Variants in TPMT observed in about 807,000 individuals in gnomAD.
TPMT encodes thiopurine S-methyltransferase, also known as S-adenosyl-L-methionine:thiopurine S-methyltransferase.
In TPMT, 18 loss-of-function variants were observed where a neutral mutation model predicts 34.2. That is an observed-to-expected ratio of 0.53 (90% CI 0.36 to 0.78). TPMT has a LOEUF of 0.78. Among genes scored for constraint, TPMT ranks in the 30% least tolerant of loss-of-function variants. The pLI is 0.00. For synonymous variants in TPMT, 69 were observed against 92.4 expected, an observed-to-expected ratio of 0.75 and a Z score of 1.45; for missense variants, 265 against 288.1, an observed-to-expected ratio of 0.92 and a Z score of 0.58.
rs759931829 is a variant in TPMT at position 18,132,124 on chromosome 6, C to T, written c.625+9G>A. ...TTTAAAAAGTTACAGCATAAGTCCA[C>T]AAACTTACCAAACAACCTTTCAATT... On this transcript the variant is annotated intron_variant, in intron 8 of 8. Coordinates refer to ENST00000309983, the MANE Select transcript of TPMT (RefSeq NM_000367.5). This position sits in a 1 kb window ranked among gnomAD's most constrained non-coding sequence, Gnocchi z 4.8. 5.6e-6 allele frequency: 9 copies of T among 1,613,902 alleles called. No homozygotes were observed. The African/African-American group carries it at 6.7e-5, about 12-fold the overall frequency.
chr6:18,151,079 C>T (rs578087847), intron 1 of TPMT, among the ~76,000 whole-genome samples: 11 of 152,082 alleles, frequency 7.2e-5, no homozygotes, highest in Admixed American at 2.6e-4. Context: ...TCTTCTGACC[C>T]GGTATGGTAA....
intron 4 of TPMT, among the ~76,000 whole-genome samples, chr6:18,142,126 T>C (rs1784153549): frequency 6.6e-6 from 1 of 152,096 alleles, no homozygotes; most frequent in Non-Finnish European, 1.5e-5. Context: ...ATCCGGCGCT[T>C]CTACACCTGG....
In TPMT at chr6:18,150,523, G is replaced by A. The variant is rs1015645022; in HGVS notation, c.-44-1352C>T. 5.3e-5 allele frequency among the ~76,000 whole-genome samples: 8 copies of A among 152,026 alleles called. No homozygotes were observed. The highest frequency in any genetic ancestry group is 1.3e-4 in the Admixed American group (2 of 15,258). Reference sequence around the variant, plus strand: ...GGTAGACAGCTAGCTTTCTGGGATCGCTCTTCATCATCATTCTGGAGATTT... The same window carrying A: ...GGTAGACAGCTAGCTTTCTGGGATCACTCTTCATCATCATTCTGGAGATTT... On this transcript the variant is annotated intron_variant, in intron 1 of 8. Coordinates refer to ENST00000309983, the MANE Select transcript of TPMT (RefSeq NM_000367.5). The surrounding 1 kb of genome is among the most constrained non-coding windows in gnomAD (Gnocchi z 5.3).
At chr6:18,151,914 T>C (rs1784361298) in intron 1 of TPMT, among the ~76,000 whole-genome samples, 1 of 152,202 alleles carries the variant, frequency 6.6e-6, no homozygotes, top group Admixed American at 6.5e-5. Context: ...TGTATTCAAT[T>C]AATCCTCACG....
chr6:18,154,128 G>GTCATA lies in TPMT; in HGVS notation c.-45+904_-45+905insTATGA, dbSNP rs1784422139. ...AGACAGGGTCTTGCTATGTTACCCA[G>GTCATA]GCTGGTCTCAAACTCCTGGGCTCAA... On this transcript the variant is annotated intron_variant, in intron 1 of 8. Transcript: ENST00000309983. The surrounding 1 kb of genome is among the most constrained non-coding windows in gnomAD (Gnocchi z 4.2). 6.6e-6 allele frequency among the ~76,000 whole-genome samples: 1 copy of GTCATA among 152,134 alleles called. No individual in the cohort carries two copies. The highest frequency in any genetic ancestry group is 1.5e-5 in the Non-Finnish European group (1 of 68,034).
chr6:18,141,550 T>C (rs373867364), intron 4 of TPMT, among the ~76,000 whole-genome samples: 1 of 152,078 alleles, frequency 6.6e-6, no homozygotes, highest in Non-Finnish European at 1.5e-5. Context: ...ATGTTGGCCA[T>C]GCTGGTCCTG....
chr6:18,142,460 G>T (rs2150714847), intron 4 of TPMT, among the ~76,000 whole-genome samples: 1 of 152,058 alleles, frequency 6.6e-6, no homozygotes, highest in East Asian at 1.9e-4. Context: ...GTTCCTAGTT[G>T]CCCACCTCCA....
intron 1 of TPMT, among the ~76,000 whole-genome samples, chr6:18,151,330 T>C (rs1372822329): frequency 6.6e-6 from 1 of 151,604 alleles, no homozygotes; most frequent in African/African-American, 2.4e-5. Flanking sequence ...TGGCCAGGCA[T>C]GGTGGTGCAT....
rs1784447258 is a variant in TPMT, at chr6:18,154,741, C to T, written c.-45+292G>A. 6.6e-6 allele frequency among the ~76,000 whole-genome samples: 1 copy of T among 151,918 alleles called. No individual in the cohort carries two copies. The highest frequency in any genetic ancestry group is 2.4e-5 in the African/African-American group (1 of 41,340). ...TGAGCTATGATTGTGCCACTGCACG[C>T]TAGCATGGGCGACAGAGGGAGACCC... On this transcript the variant is annotated intron_variant, in intron 1 of 8. Transcript: ENST00000309983. The surrounding 1 kb of genome is among the most constrained non-coding windows in gnomAD (Gnocchi z 4.2).
chr6:18,139,155 G>T lies in TPMT; in HGVS notation c.420-118C>A. On this transcript the variant is annotated intron_variant, in intron 5 of 8. Coordinates refer to ENST00000309983, the MANE Select transcript of TPMT (RefSeq NM_000367.5). This position sits in a 1 kb window ranked among gnomAD's most constrained non-coding sequence, Gnocchi z 4.2. ...AATCGTCAAGGTATTAGGATCTCAC[G>T]TCTGCGTTTCCTCCTAGAGGAATGT... 1.1e-6 allele frequency: 1 copy of T among 932,892 alleles called. No individual in the cohort carries two copies. Among genetic ancestry groups the T allele is most frequent in the Non-Finnish European group, 1.8e-6 (1 of 567,742 alleles). 57.8% of individuals were successfully genotyped at this position (932,892 alleles called of 1,614,324 possible).
chr6:18,149,210 A>G lies in TPMT; in HGVS notation c.-44-39T>C. 1 of 1,543,804 alleles carries G rather than the reference A, an allele frequency of 6.5e-7. No homozygotes were observed. ...ATTTGCAATGTTGTCATTTAAGGTCATTGGAATTCTATTGATGAACTAAAT... is the reference window on the plus strand; with the variant it reads ...ATTTGCAATGTTGTCATTTAAGGTCGTTGGAATTCTATTGATGAACTAAAT... On this transcript the variant is annotated intron_variant, in intron 1 of 8. Transcript: ENST00000309983. The surrounding 1 kb of genome is among the most constrained non-coding windows in gnomAD (Gnocchi z 5.0).
chr6:18,143,711 T>C lies in TPMT; in HGVS notation c.251A>G (p.His84Arg). 6.2e-7 allele frequency: 1 copy of C among 1,614,126 alleles called. No homozygotes were observed. Among genetic ancestry groups the C allele is most frequent in the Non-Finnish European group, 8.5e-7 (1 of 1,180,006 alleles). ...VEMKWFADRG[H>R]SVVGVEISEL... ...ACTGATTTCCACACCAACTACACTGTGTCCCCGGTCTGCAAACCTGCATAA... is the reference window on the plus strand; with the variant it reads ...ACTGATTTCCACACCAACTACACTGCGTCCCCGGTCTGCAAACCTGCATAA... Residue 84 changes from histidine (H) to arginine (R), a missense_variant, in exon 4 of 9, where the codon CAC (histidine) becomes CGC (arginine). Physicochemically the swap from His to Arg is conservative, Grantham distance 29 (BLOSUM62 0). Transcript: ENST00000309983. The surrounding 1 kb of genome is among the most constrained non-coding windows in gnomAD (Gnocchi z 6.1).
At chr6:18,152,902 A>C (rs372542691) in intron 1 of TPMT, among the ~76,000 whole-genome samples, 4 of 152,226 alleles carry the variant, frequency 2.6e-5, no homozygotes, top group South Asian at 4.2e-4. Flanking sequence ...AGACCACAGA[A>C]TGGTTCTGGC....
chr6:18,134,101 T>G (rs1406120346), intron 6 of TPMT, among the ~76,000 whole-genome samples: 1 of 152,238 alleles, frequency 6.6e-6, no homozygotes, highest in Admixed American at 6.5e-5. Flanking sequence ...TTGGTCCAGA[T>G]GGGAATCAAA....
Position 18,131,997 on chromosome 6 carries a change from G to A in TPMT, c.625+136C>T, listed in dbSNP as rs999426664. 3.9e-5 allele frequency: 33 copies of A among 855,796 alleles called. 1 individual carries two copies. Among genetic ancestry groups the A allele is most frequent in the Admixed American group, 1.9e-4 (10 of 52,640 alleles). 53.0% of individuals were successfully genotyped at this position (855,796 alleles called of 1,614,324 possible). ...TCGCCATGTTGGCCAGGCTGGTCTC[G>A]AACTCCTGGCCTCAGGTGATCTGCC... On this transcript the variant is annotated intron_variant, in intron 8 of 8. Transcript: ENST00000309983. The surrounding 1 kb of genome is among the most constrained non-coding windows in gnomAD (Gnocchi z 4.3).
rs1784293653 is a variant in TPMT at position 18,148,657 on chromosome 6, A to T, written c.140+331T>A. 6.6e-6 allele frequency among the ~76,000 whole-genome samples: 1 copy of T among 152,272 alleles called. No individual in the cohort carries two copies. The highest frequency in any genetic ancestry group is 2.4e-5 in the African/African-American group (1 of 41,476). On this transcript the variant is annotated intron_variant, in intron 2 of 8. Transcript: ENST00000309983. This position sits in a 1 kb window ranked among gnomAD's most constrained non-coding sequence, Gnocchi z 4.1. ...ACACCACTGATTTTCAGTATGAAGA[A>T]TTGTAAGCATAAACATTGCTTGAGC...
In TPMT at chr6:18,140,332, C is replaced by T. The variant is rs76244256; in HGVS notation, c.367-615G>A. 0.043 allele frequency among the ~76,000 whole-genome samples: 6,582 copies of T among 152,190 alleles called. 166 individuals carry two copies. The highest frequency in any genetic ancestry group is 0.055 in the African/African-American group (2,301 of 41,504). ...CTGCTCTGTTGTGGTTCTGTGCCTG[C>T]GAACTATGTGAACACAGAAGGCAGA... On this transcript the variant is annotated intron_variant, in intron 4 of 8. Coordinates refer to ENST00000309983, the MANE Select transcript of TPMT (RefSeq NM_000367.5). This position sits in a 1 kb window ranked among gnomAD's most constrained non-coding sequence, Gnocchi z 4.7.
chr6:18,139,045 A>G lies in TPMT; in HGVS notation c.420-8T>C, dbSNP rs1015135138. 3 of 1,612,660 alleles carry G rather than the reference A, an allele frequency of 1.9e-6. No homozygotes were observed. Among genetic ancestry groups the G allele is most frequent in the Non-Finnish European group, 1.7e-6 (2 of 1,178,632 alleles). ...AATTTGCCAATATTTGTCCTACCAG[A>G]AAGAGAAAAAACATTTTATGGGAGA... On this transcript the variant is annotated splice_region_variant and splice_polypyrimidine_tract_variant and intron_variant, in intron 5 of 8. Coordinates refer to ENST00000309983, the MANE Select transcript of TPMT (RefSeq NM_000367.5). The surrounding 1 kb of genome is among the most constrained non-coding windows in gnomAD (Gnocchi z 4.2).
chr6:18,144,648 G>A (rs1237530611), intron 3 of TPMT, among the ~76,000 whole-genome samples: 1 of 151,708 alleles, frequency 6.6e-6, no homozygotes, highest in Non-Finnish European at 1.5e-5. Flanking sequence ...CAAAGTGCTG[G>A]GATTACAGGC....
Sources: allele counts gnomAD v4.1 joint callset (sites outside exome capture counted in the v4.1 genomes callset), GRCh38; gene constraint gnomAD v4.1.1; non-coding constraint Gnocchi (gnomAD v3.1); transcripts MANE v1.5; gene names NCBI Gene and HGNC (gene_info 2026-07-23, HGNC 2026-07-21).